Variants in GRM3 observed in about 807,000 individuals in gnomAD.
GRM3 encodes glutamate metabotropic receptor 3, also known as metabotropic glutamate receptor 3.
GRM3 carries 26 observed loss-of-function variants against 70.5 expected under a neutral mutation model. The observed-to-expected ratio is 0.37, with a 90% CI of 0.27 to 0.51. The LOEUF (loss-of-function observed/expected upper bound fraction) is 0.51. Ranked by LOEUF, GRM3 falls within the 20% of genes least tolerant of loss-of-function variation. The pLI, the probability that GRM3 is intolerant of heterozygous loss-of-function variation, is 0.93. For synonymous variants in GRM3, 443 were observed against 434.9 expected, an observed-to-expected ratio of 1.02 and a Z score of -0.23; for missense variants, 859 against 1,123.8, an observed-to-expected ratio of 0.76 and a Z score of 3.37.
At chr7:86,789,564 G>C (rs1300753331) in intron 3 of GRM3, among the ~76,000 whole-genome samples, 1 of 152,124 alleles carries the variant, frequency 6.6e-6, no homozygotes, top group Non-Finnish European at 1.5e-5. Flanking sequence ...TTCTGAAACA[G>C]TATCTTTGTT....
At chr7:86,740,943 T>A (rs1446557946) in intron 1 of GRM3, among the ~76,000 whole-genome samples, 7 of 152,164 alleles carry the variant, frequency 4.6e-5, no homozygotes, top group Non-Finnish European at 1.0e-4. Context: ...CCTGTATGCA[T>A]CATGTCAAAT....
chr7:86,766,785 T>C (rs1234841947), intron 2 of GRM3, among the ~76,000 whole-genome samples: 1 of 152,190 alleles, frequency 6.6e-6, no homozygotes, highest in African/African-American at 2.4e-5. Flanking sequence ...CAAATTACTA[T>C]AATCAAAGCC....
chr7:86,645,117 G>C (rs959015276), intron 1 of GRM3: 1 of 344,052 alleles, frequency 2.9e-6, no homozygotes, highest in Non-Finnish European at 5.7e-6. Context: ...ATAGATCTGC[G>C]GCCAGGGTGC....
intron 1 of GRM3, among the ~76,000 whole-genome samples, chr7:86,654,203 C>T (rs1161518675): frequency 6.6e-6 from 1 of 152,192 alleles, no homozygotes; most frequent in African/African-American, 2.4e-5. Flanking sequence ...GGAGGCTCAG[C>T]CTGGGCCACC....
intron 3 of GRM3, among the ~76,000 whole-genome samples, chr7:86,827,664 C>A (rs975607529): frequency 5.9e-5 from 9 of 152,098 alleles, no homozygotes; most frequent in African/African-American, 2.2e-4. Context: ...CAGGCGCCCA[C>A]CACCATGGCC....
chr7:86,696,543 TATA>T (rs1478126009), intron 1 of GRM3, among the ~76,000 whole-genome samples: 1 of 152,216 alleles, frequency 6.6e-6, no homozygotes, highest in Non-Finnish European at 1.5e-5. Flanking sequence ...AATAGCTTCA[TATA>T]ATAATTTCTT....
At position 86,644,754 on chromosome 7, in the gene GRM3, G is replaced by A. The variant is rs1225958201; in HGVS notation, c.-259G>A. On this transcript the variant is annotated 5_prime_UTR_variant, in exon 1 of 6. Transcript: ENST00000361669. ...GATTTGGAAAGGACAAAGCCAGTAA[G>A]CTACCTCTTTTGTGTCGGATGAGGA... 7.9e-7 allele frequency: 1 copy of A among 1,269,968 alleles called. No individual in the cohort carries two copies. The highest frequency in any genetic ancestry group is 2.3e-5 in the Admixed American group (1 of 43,560). 78.7% of individuals were successfully genotyped at this position (1,269,968 alleles called of 1,614,324 possible).
At chr7:86,831,926 G>T (rs1167008767) in intron 3 of GRM3, among the ~76,000 whole-genome samples, 1 of 150,924 alleles carries the variant, frequency 6.6e-6, no homozygotes, top group Non-Finnish European at 1.5e-5. Flanking sequence ...GTGGTGCTTT[G>T]TCCCAGCTGT....
intron 5 of GRM3, among the ~76,000 whole-genome samples, chr7:86,860,487 T>TA (rs1798933936): frequency 6.6e-6 from 1 of 152,132 alleles, no homozygotes; most frequent in Non-Finnish European, 1.5e-5. Context: ...AAATATAAGT[T>TA]AGAGTTCCCT....
At chr7:86,811,113 A>C (rs1057227883) in intron 3 of GRM3, among the ~76,000 whole-genome samples, 1 of 151,954 alleles carries the variant, frequency 6.6e-6, no homozygotes, top group Admixed American at 6.6e-5. Flanking sequence ...AAAAGTAGGG[A>C]AGGCAGAGCA....
chr7:86,796,129 T>A (rs1269363128), intron 3 of GRM3, among the ~76,000 whole-genome samples: 1 of 152,234 alleles, frequency 6.6e-6, no homozygotes, highest in Non-Finnish European at 1.5e-5. Context: ...AATCATACAA[T>A]CTTTGCTCAT....
At chr7:86,828,226 G>T (rs1798283090) in intron 3 of GRM3, among the ~76,000 whole-genome samples, 1 of 150,696 alleles carries the variant, frequency 6.6e-6, no homozygotes, top group Admixed American at 6.6e-5. Flanking sequence ...AATATTATTA[G>T]GCATTGGGGA....
intron 1 of GRM3, among the ~76,000 whole-genome samples, chr7:86,727,933 G>A (rs1438008653): frequency 6.6e-6 from 1 of 152,092 alleles, no homozygotes; most frequent in Non-Finnish European, 1.5e-5. Flanking sequence ...CATATGGCCT[G>A]CAAAACTTAG....
At chr7:86,829,616 G>A (rs564752033) in intron 3 of GRM3, among the ~76,000 whole-genome samples, 1 of 152,242 alleles carries the variant, frequency 6.6e-6, no homozygotes, top group East Asian at 1.9e-4. Context: ...TGAGGTGATG[G>A]AGAGAGATAG....
At position 86,644,642 on chromosome 7, in the gene GRM3, C is replaced by A; in HGVS notation, c.-371C>A. ...CACCGGGCAGTGGTCCAGCGTGCAG[C>A]CGGGAGGGGGCAGGGGCAGGGGGCA... On this transcript the variant is annotated 5_prime_UTR_variant, in exon 1 of 6. Coordinates refer to ENST00000361669, the MANE Select transcript of GRM3 (RefSeq NM_000840.3). The A allele has an allele frequency of 4.1e-6, 2 of 492,450 alleles. No individual in the cohort carries two copies. Among genetic ancestry groups the A allele is most frequent in the Admixed American group, 2.4e-5 (1 of 42,274 alleles). The allele number at this position is 492,450 out of a possible 1,614,324, so 30.5% of individuals were successfully genotyped here.
At chr7:86,847,880 A>G (rs1798685153) in intron 4 of GRM3, among the ~76,000 whole-genome samples, 1 of 152,180 alleles carries the variant, frequency 6.6e-6, no homozygotes, top group Non-Finnish European at 1.5e-5. Context: ...TAATAAATAA[A>G]AGCTATTTCA....
At chr7:86,787,227 G>C (rs1016280808) in intron 3 of GRM3, 111 bp downstream of exon 3, 10 of 898,948 alleles carry the variant, frequency 1.1e-5, no homozygotes, top group Middle Eastern at 4.9e-4. Context: ...CCATAAAAAG[G>C]GTTCAAACTG....
intron 1 of GRM3, among the ~76,000 whole-genome samples, chr7:86,720,393 G>A (rs950763334): frequency 1.3e-5 from 2 of 152,026 alleles, no homozygotes; most frequent in African/African-American, 4.8e-5. Context: ...TTGAGCAGTT[G>A]ATTAAAATAG....
intron 3 of GRM3, among the ~76,000 whole-genome samples, chr7:86,830,572 A>G (rs1798330430): frequency 6.6e-6 from 1 of 152,214 alleles, no homozygotes; most frequent in Non-Finnish European, 1.5e-5. Context: ...ATAAAATACT[A>G]TGCATCAATA....
Sources: allele counts gnomAD v4.1 joint callset (sites outside exome capture counted in the v4.1 genomes callset), GRCh38; gene constraint gnomAD v4.1.1; transcripts MANE v1.5; gene names NCBI Gene and HGNC (gene_info 2026-07-23, HGNC 2026-07-21).